The following CDC42BPG variants were observed in gnomAD, a reference collection of about 807,000 sequenced individuals.
The protein encoded by CDC42BPG is serine/threonine-protein kinase MRCK gamma.
CDC42BPG carries 157 observed loss-of-function variants against 192.2 expected under a neutral mutation model. That is an observed-to-expected ratio of 0.82 (90% CI 0.72 to 0.93). CDC42BPG has a LOEUF of 0.93. CDC42BPG is among the 40% of genes least tolerant of loss of function. CDC42BPG has a pLI of 0.00. For missense variants in CDC42BPG, 1,992 were observed against 2,122.1 expected, an observed-to-expected ratio of 0.94 and a Z score of 1.20; for synonymous variants, 981 against 918.5, an observed-to-expected ratio of 1.07 and a Z score of -1.23.
chr11:64,834,940 CTT>C lies in CDC42BPG; in HGVS notation c.2082_2083del (p.Gly696LeufsTer78). On this transcript the variant is annotated frameshift_variant, in exon 18 of 37. Transcript: ENST00000342711. LOFTEE classifies it high-confidence loss of function. ...GGTGGCCAGGGCCTGCAGGTAGCCT[CTT>C]GAGACCTTCTCATCATTCACCCTGA... 1 of 1,614,156 alleles carries C rather than the reference CTT, an allele frequency of 6.2e-7. No homozygotes were observed. Among genetic ancestry groups the C allele is most frequent in the Non-Finnish European group, 8.5e-7 (1 of 1,180,034 alleles).
At chr11:64,833,014 A>T in intron 24 of CDC42BPG, 55 bp from the exon 25 acceptor site, 3 of 1,487,132 alleles carry the variant, frequency 2.0e-6, no homozygotes, top group Non-Finnish European at 2.7e-6. Context: ...GACAGCCCCA[A>T]ACCAGGACGG....
chr11:64,835,943 G>T, intron 13 of CDC42BPG, 92 bp from the exon 14 acceptor site: 1 of 1,350,124 alleles, frequency 7.4e-7, no homozygotes, highest in Non-Finnish European at 1.0e-6. Context: ...GCCAGCCACA[G>T]TGGACATGAG....
intron 18 of CDC42BPG, 124 bp from the exon 19 acceptor site, chr11:64,834,701 T>A (rs1942888189): frequency 2.9e-6 from 4 of 1,358,568 alleles, no homozygotes; most frequent in Non-Finnish European, 4.0e-6. Context: ...GCTCAGCCAA[T>A]GACCCACTGT....
At position 64,826,802 on chromosome 11, in the gene CDC42BPG, G is replaced by A. The variant is rs1009126838; in HGVS notation, c.4390-8C>T. The A allele has an allele frequency of 6.7e-6, 10 of 1,491,538 alleles. No individual in the cohort carries two copies. In the Admixed American group the frequency reaches 2.2e-4, roughly 33 times the overall value. 92.4% of individuals were successfully genotyped at this position (1,491,538 alleles called of 1,614,324 possible). On this transcript the variant is annotated splice_polypyrimidine_tract_variant and splice_region_variant and intron_variant, in intron 34 of 36. Transcript: ENST00000342711. ...GCCCTTCTCTTCGGGAGCCTGTTGG[G>A]TGACAGTGCGGAGGGGCTGGGACTA...
In CDC42BPG at chr11:64,834,848, C is replaced by A. The variant is rs1257757615; in HGVS notation, c.2175+1G>T. The A allele has an allele frequency of 6.2e-7, 1 of 1,612,146 alleles. No homozygotes were observed. On this transcript the variant is annotated splice_donor_variant, in intron 18 of 36. Coordinates refer to ENST00000342711, the MANE Select transcript of CDC42BPG (RefSeq NM_017525.3). LOFTEE classifies it high-confidence loss of function. Reference sequence around the variant, plus strand: ...CCCCCAGGGGCATCTCTGGGGCTCACCAGTGGCCGGGCAGGGAGCGTCTGG... The same window carrying A: ...CCCCCAGGGGCATCTCTGGGGCTCAACAGTGGCCGGGCAGGGAGCGTCTGG...
At chr11:64,831,940 G>T (rs1942713771) in intron 27 of CDC42BPG, among the ~76,000 whole-genome samples, 1 of 152,268 alleles carries the variant, frequency 6.6e-6, no homozygotes, top group Non-Finnish European at 1.5e-5. Flanking sequence ...CCAAACCGGG[G>T]CCGGGAAGTG....
Position 64,838,702 on chromosome 11 carries a change from G to C in CDC42BPG, c.1077C>G (p.Pro359=), listed in dbSNP as rs761865744. 6.2e-7 allele frequency: 1 copy of C among 1,613,196 alleles called. No individual in the cohort carries two copies. The highest frequency in any genetic ancestry group is 8.5e-7 in the Non-Finnish European group (1 of 1,180,004). The part of the protein sequence containing the change: ...TAPYIPELRG[P]MDTSNFDVDD... ...CCACATCAAAGTTGGAGGTGTCCAT[G>C]GGCCCCCGCAGCTCAGGAATATAGG... The change falls in exon 8 of 37, where the codon CCC becomes CCG. Residue 359 remains proline (P), a synonymous_variant. Coordinates refer to ENST00000342711, the MANE Select transcript of CDC42BPG (RefSeq NM_017525.3).
rs376517492 is a variant in CDC42BPG, at chr11:64,839,054, G to C, written c.855C>G (p.Tyr285Ter). ...PFYAESLVET[Y>*]GKIMNHEDHL... ...AGACCTCGTGGTTCATGATCTTGCC[G>C]TAGGTTTCCACCAAGGACTCAGCAT... Residue 285 changes from tyrosine to a stop codon, truncating the protein, a stop_gained, in exon 7 of 37, where the codon TAC becomes TAG. Coordinates refer to ENST00000342711, the MANE Select transcript of CDC42BPG (RefSeq NM_017525.3). LOFTEE classifies it high-confidence loss of function. 1 of 1,613,644 alleles carries C rather than the reference G, an allele frequency of 6.2e-7. No homozygotes were observed. The highest frequency in any genetic ancestry group is 1.1e-5 in the South Asian group (1 of 91,086).
At position 64,834,628 on chromosome 11, in the gene CDC42BPG, C is replaced by T. The variant is rs750376406; in HGVS notation, c.2176-51G>A. The T allele has an allele frequency of 2.0e-6, 3 of 1,487,146 alleles. No homozygotes were observed. The Admixed American group carries it at 7.2e-5, about 36-fold the overall frequency. The allele number at this position is 1,487,146 out of a possible 1,614,324, so 92.1% of individuals were successfully genotyped here. On this transcript the variant is annotated intron_variant, in intron 18 of 36. Coordinates refer to ENST00000342711, the MANE Select transcript of CDC42BPG (RefSeq NM_017525.3). The stretch of plus-strand genomic sequence containing the variant: ...AGATGCTTTCTAGGCCTGGCTGCCT[C>T]AGGGACCCCCTGCTACCAGAGCATC...
At chr11:64,843,011 G>A (rs1943348262) in intron 1 of CDC42BPG, among the ~76,000 whole-genome samples, 1 of 151,912 alleles carries the variant, frequency 6.6e-6, no homozygotes, top group African/African-American at 2.4e-5. Context: ...AGCTGGGGAG[G>A]AGCAGCCCCG....
intron 17 of CDC42BPG, 21 bp downstream of exon 17, chr11:64,835,026 C>CCCCCCCCCCCCG: frequency 1.9e-6 from 3 of 1,567,860 alleles, no homozygotes; most frequent in Non-Finnish European, 2.6e-6. Context: ...TTCCCCACCC[C>CCCCCCCCCCCCG]GACCCACCCC....
At chr11:64,842,832 C>T (rs553741940) in intron 1 of CDC42BPG, among the ~76,000 whole-genome samples, 8 of 152,190 alleles carry the variant, frequency 5.3e-5, no homozygotes, top group Non-Finnish European at 7.4e-5. Flanking sequence ...TGGTCTGGCG[C>T]CCTGCCTCAG....
chr11:64,826,882 G>C (rs1471882977), intron 34 of CDC42BPG, 88 bp from the exon 35 acceptor site: 1 of 1,361,068 alleles, frequency 7.3e-7, no homozygotes, highest in African/African-American at 1.5e-5. Flanking sequence ...ACAAATGAAC[G>C]CCACTGGGCC....
In CDC42BPG at chr11:64,824,212, C is replaced by G; in HGVS notation, c.*261G>C. 1.8e-6 allele frequency: 1 copy of G among 548,836 alleles called. No homozygotes were observed. The highest frequency in any genetic ancestry group is 2.0e-5 in the South Asian group (1 of 50,120). The allele number at this position is 548,836 out of a possible 1,614,324, so 34.0% of individuals were successfully genotyped here. A position where few individuals can be genotyped will look rare whatever the true frequency, so the allele number is the denominator to read the frequency against. ...GCTTTGGCACAATCACCCCTGGACA[C>G]CAGAACAAAAGGGGCCATTCTATTC... On this transcript the variant is annotated 3_prime_UTR_variant, in exon 37 of 37. Transcript: ENST00000342711.
intron 9 of CDC42BPG, 148 bp downstream of exon 9, chr11:64,837,935 C>A (rs925260223): frequency 5.7e-6 from 4 of 701,216 alleles, no homozygotes; most frequent in Non-Finnish European, 1.0e-5. Flanking sequence ...ACCAGGACCC[C>A]GAGGATGAGG....
At position 64,827,584 on chromosome 11, in the gene CDC42BPG, G is replaced by A. The variant is rs140056107; in HGVS notation, c.4093C>T (p.Leu1365=). 1.3e-4 allele frequency: 205 copies of A among 1,612,210 alleles called. No homozygotes were observed. Among genetic ancestry groups the A allele is most frequent in the Non-Finnish European group, 1.5e-4 (180 of 1,179,078 alleles). ...ACCTTCTCGGTGCCGTAGAGGAACA[G>A]GGAGCCCTCTGGATTGAGGGGCCGC... The part of the protein sequence containing the change: ...KVRPLNPEGS[L]FLYGTEKVRL... The change falls in exon 32 of 37, where the codon CTG becomes TTG. Residue 1365 remains leucine, a synonymous_variant. Transcript: ENST00000342711.
At chr11:64,837,171 C>T (rs574312688) in intron 9 of CDC42BPG, 152 bp from the exon 10 acceptor site, 33 of 675,274 alleles carry the variant, frequency 4.9e-5, no homozygotes, top group South Asian at 4.4e-4. Flanking sequence ...GGTGGCAGCC[C>T]GGGGTAGCAG....
chr11:64,835,901 C>T, intron 13 of CDC42BPG, 50 bp from the exon 14 acceptor site: 2 of 1,509,382 alleles, frequency 1.3e-6, no homozygotes, highest in Non-Finnish European at 9.0e-7. Flanking sequence ...CTCGGCAGCC[C>T]CTCTGCCCAC....
Position 64,841,749 on chromosome 11 carries a change from G to A in CDC42BPG, c.253-16C>T. The A allele has an allele frequency of 6.2e-7, 1 of 1,613,746 alleles. No individual in the cohort carries two copies. Among genetic ancestry groups the A allele is most frequent in the Non-Finnish European group, 8.5e-7 (1 of 1,179,770 alleles). ...CCACGGTGACCTAAGGCCACAGGGA[G>A]GACCGGGGTGAGCCCAGCCCGGTGT... On this transcript the variant is annotated splice_polypyrimidine_tract_variant and intron_variant, in intron 2 of 36. Transcript: ENST00000342711.
Sources: gnomAD v4.1 joint callset for allele counts (sites outside exome capture counted in the v4.1 genomes callset) on GRCh38, gnomAD v4.1.1 for gene constraint, MANE v1.5 for transcripts, NCBI Gene and HGNC (gene_info 2026-07-23, HGNC 2026-07-21) for gene names.